The following DDX10 variants were observed in gnomAD, a reference collection of about 807,000 sequenced individuals.
The protein encoded by DDX10 is DEAD-box helicase 10.
Under a neutral mutation model 104.3 loss-of-function variants are expected in DDX10, and 74 were observed. The observed-to-expected ratio is 0.71, with a 90% CI of 0.59 to 0.86. The LOEUF (loss-of-function observed/expected upper bound fraction) is 0.86. Among genes scored for constraint, DDX10 ranks in the 40% least tolerant of loss-of-function variants. DDX10 has a pLI of 0.00. For missense variants in DDX10, 952 were observed against 1,040.0 expected (o/e 0.92, Z 1.16); for synonymous variants, 351 against 353.4 (o/e 0.99, Z 0.08).
chr11:108,780,725 G>T (rs2094377062), intron 13 of DDX10, among the ~76,000 whole-genome samples: 1 of 151,978 alleles, frequency 6.6e-6, no homozygotes, highest in Non-Finnish European at 1.5e-5. Context: ...TTATATTGTT[G>T]GAAAATGTTT....
chr11:108,878,003 C>T (rs1349505001), intron 16 of DDX10, among the ~76,000 whole-genome samples: 2 of 152,104 alleles, frequency 1.3e-5, no homozygotes, highest in African/African-American at 2.4e-5. Context: ...TTCTTTTTCC[C>T]TCCCTCCTTC....
At chr11:108,750,227 C>T in intron 13 of DDX10, among the ~76,000 whole-genome samples, 1 of 152,100 alleles carries the variant, frequency 6.6e-6, no homozygotes, top group South Asian at 2.1e-4. Flanking sequence ...AAGCTAACCT[C>T]AAAGGTTTTT....
At chr11:108,873,770 T>G (rs1187928637) in intron 16 of DDX10, among the ~76,000 whole-genome samples, 1 of 152,184 alleles carries the variant, frequency 6.6e-6, no homozygotes, top group Non-Finnish European at 1.5e-5. Context: ...AGAACATCCC[T>G]CAAATGTTTT....
chr11:108,897,868 G>A (rs543743350), intron 16 of DDX10, among the ~76,000 whole-genome samples: 1 of 152,110 alleles, frequency 6.6e-6, no homozygotes, highest in South Asian at 2.1e-4. Flanking sequence ...CTGACAATTA[G>A]GATTTCCAAT....
chr11:108,916,501 T>C (rs1372467919), intron 16 of DDX10, among the ~76,000 whole-genome samples: 4 of 152,174 alleles, frequency 2.6e-5, no homozygotes, highest in African/African-American at 9.6e-5. Flanking sequence ...AATGTTAGAG[T>C]ACTTTAATAG....
intron 16 of DDX10, among the ~76,000 whole-genome samples, chr11:108,881,018 C>T (rs188626892): frequency 2.0e-5 from 3 of 152,118 alleles, no homozygotes; most frequent in Non-Finnish European, 4.4e-5. Flanking sequence ...TTTTTGCTTT[C>T]TCTGAACCAA....
chr11:108,872,828 C>G (rs904193629), intron 16 of DDX10, among the ~76,000 whole-genome samples: 14 of 150,684 alleles, frequency 9.3e-5, no homozygotes, highest in African/African-American at 3.2e-4. Flanking sequence ...GTTCCCCCCC[C>G]CTCCCATTTC....
intron 16 of DDX10, among the ~76,000 whole-genome samples, chr11:108,913,766 A>G (rs1036632386): frequency 5.9e-5 from 9 of 152,228 alleles, no homozygotes; most frequent in African/African-American, 2.2e-4. Flanking sequence ...GTATGTGGCT[A>G]GAAAGTACAT....
chr11:108,787,093 A>C (rs1456262297), intron 13 of DDX10, among the ~76,000 whole-genome samples: 1 of 152,164 alleles, frequency 6.6e-6, no homozygotes, highest in Non-Finnish European at 1.5e-5. Flanking sequence ...TTTTGCCTTC[A>C]CTTACAAAGC....
At chr11:108,753,478 A>G (rs2134507614) in intron 13 of DDX10, among the ~76,000 whole-genome samples, 1 of 152,220 alleles carries the variant, frequency 6.6e-6, no homozygotes, top group East Asian at 1.9e-4. Context: ...AGGATTAATG[A>G]AACAAAAAAT....
intron 1 of DDX10, among the ~76,000 whole-genome samples, chr11:108,669,727 G>T (rs946354303): frequency 6.6e-6 from 1 of 152,210 alleles, no homozygotes. Context: ...GATTATCCTG[G>T]ATTAGGTGGG....
At chr11:108,905,605 A>C (rs1172191050) in intron 16 of DDX10, among the ~76,000 whole-genome samples, 2 of 151,934 alleles carry the variant, frequency 1.3e-5, no homozygotes, top group East Asian at 3.8e-4. Context: ...CTCCTGATCT[A>C]TTTTTTGTAG....
At chr11:108,718,377 G>A (rs2094294140) in intron 11 of DDX10, among the ~76,000 whole-genome samples, 1 of 152,022 alleles carries the variant, frequency 6.6e-6, no homozygotes, top group Non-Finnish European at 1.5e-5. Context: ...TGAACAAATG[G>A]TTAATATTCA....
chr11:108,678,543 C>A, intron 5 of DDX10, 108 bp downstream of exon 5: 1 of 1,174,306 alleles, frequency 8.5e-7, no homozygotes, highest in Non-Finnish European at 1.1e-6. Context: ...TGTTATGATT[C>A]AAAACAAACT....
Position 108,679,364 on chromosome 11 carries a change from T to G in DDX10, c.659-7T>G, listed in dbSNP as rs747931171. On this transcript the variant is annotated splice_polypyrimidine_tract_variant and splice_region_variant and intron_variant, in intron 5 of 17. Coordinates refer to ENST00000322536, the MANE Select transcript of DDX10 (RefSeq NM_004398.4). ...ATGATAGTTCAACTTGCATTTTCCT[T>G]TTTCAGTTCTTGATGAAGCAGATAG... The G allele has an allele frequency of 1.9e-6, 3 of 1,584,926 alleles. No individual in the cohort carries two copies. Among genetic ancestry groups the G allele is most frequent in the Non-Finnish European group, 2.6e-6 (3 of 1,171,124 alleles).
chr11:108,786,094 T>A (rs1861786431), intron 13 of DDX10, among the ~76,000 whole-genome samples: 1 of 152,198 alleles, frequency 6.6e-6, no homozygotes, highest in Non-Finnish European at 1.5e-5. Context: ...GATTTCATTG[T>A]TCATATAATG....
rs760824448 is a variant in DDX10, at chr11:108,673,462, T to G, written c.187-5T>G. On this transcript the variant is annotated splice_polypyrimidine_tract_variant and splice_region_variant and intron_variant, in intron 1 of 17. Transcript: ENST00000322536. ...TTACCCTGATTCCTTTTTCTTTTTT[T>G]CCAGATAAATGTAAATGAAATCACA... The G allele has an allele frequency of 6.3e-7, 1 of 1,576,790 alleles. No homozygotes were observed. The highest frequency in any genetic ancestry group is 8.7e-7 in the Non-Finnish European group (1 of 1,147,896).
intron 13 of DDX10, among the ~76,000 whole-genome samples, chr11:108,751,696 C>T (rs1975911): frequency 0.12 from 18,659 of 152,120 alleles, 1,557 homozygotes; most frequent in East Asian, 0.27. Context: ...TGATTTACAG[C>T]ATAATTGTGT....
At chr11:108,873,589 G>C (rs1199027173) in intron 16 of DDX10, among the ~76,000 whole-genome samples, 1 of 151,956 alleles carries the variant, frequency 6.6e-6, no homozygotes, top group East Asian at 1.9e-4. Flanking sequence ...CCTTCTTTTG[G>C]ACAAATTCTT....
Sources: allele counts gnomAD v4.1 joint callset (sites outside exome capture counted in the v4.1 genomes callset), GRCh38; gene constraint gnomAD v4.1.1; transcripts MANE v1.5; gene names NCBI Gene and HGNC (gene_info 2026-07-23, HGNC 2026-07-21).